The following XIRP2 variants were observed in gnomAD, a reference collection of about 807,000 sequenced individuals.
The protein encoded by XIRP2 is xin actin binding repeat containing 2.
Under a neutral mutation model 277.0 loss-of-function variants are expected in XIRP2, and 236 were observed. That is an observed-to-expected ratio of 0.85 (90% CI 0.77 to 0.95). XIRP2 has a LOEUF of 0.95. Ranked by LOEUF, XIRP2 falls within the 40% of genes least tolerant of loss-of-function variation. The pLI is 0.00. For synonymous variants in XIRP2, 1,490 were observed against 1,416.5 expected, an observed-to-expected ratio of 1.05 and a Z score of -1.17; for missense variants, 4,640 against 4,157.5, an observed-to-expected ratio of 1.12 and a Z score of -3.19.
chr2:167,209,548 C>T (rs979034448), intron 3 of XIRP2, among the ~76,000 whole-genome samples: 1 of 151,906 alleles, frequency 6.6e-6, no homozygotes, highest in African/African-American at 2.4e-5. Flanking sequence ...AGAGCCCTAC[C>T]CTGTAAGTCC....
chr2:167,106,012 A>G (rs1298852078), intron 2 of XIRP2, among the ~76,000 whole-genome samples: 1 of 150,080 alleles, frequency 6.7e-6, no homozygotes, highest in Non-Finnish European at 1.5e-5. Context: ...TTTTGTTTTG[A>G]TTTTGCTATT....
At chr2:166,937,605 C>CTCGT (rs1685557268) in intron 2 of XIRP2, among the ~76,000 whole-genome samples, 1 of 152,096 alleles carries the variant, frequency 6.6e-6, no homozygotes, top group African/African-American at 2.4e-5. Context: ...TGATGCTGGC[C>CTCGT]TCATAAAATG....
rs144301887 is a variant in XIRP2, at chr2:167,002,811, AAAAG to A, written c.408+98927_408+98930del. Among the ~76,000 whole-genome samples, 427 of 152,108 alleles carry A rather than the reference AAAAG, an allele frequency of 2.8e-3. 3 individuals are homozygous for A. Among genetic ancestry groups the A allele is most frequent in the African/African-American group, 9.7e-3 (404 of 41,570 alleles). On this transcript the variant is annotated intron_variant, in intron 2 of 10. Coordinates refer to ENST00000409195, the MANE Select transcript of XIRP2 (RefSeq NM_152381.6). Reference sequence around the variant, plus strand: ...AAAATTAATTGGCATTGTGTGAGTGAAAAGAAAGATGATAATGTTATCTTTGTTA... The same window carrying A: ...AAAATTAATTGGCATTGTGTGAGTGAAAAGATGATAATGTTATCTTTGTTA...
At chr2:166,911,691 T>A (rs1684705427) in intron 2 of XIRP2, among the ~76,000 whole-genome samples, 2 of 152,208 alleles carry the variant, frequency 1.3e-5, no homozygotes, top group African/African-American at 4.8e-5. Flanking sequence ...GTTGATGCGG[T>A]TTCTTCCTAG....
intron 2 of XIRP2, among the ~76,000 whole-genome samples, chr2:167,040,107 T>C (rs1558958708): frequency 6.6e-6 from 1 of 152,026 alleles, no homozygotes; most frequent in East Asian, 1.9e-4. Context: ...ATTAGAAGCA[T>C]TTTGTAATGT....
intron 2 of XIRP2, among the ~76,000 whole-genome samples, chr2:167,034,592 G>T (rs779168217): frequency 7.2e-5 from 11 of 151,808 alleles, no homozygotes; most frequent in Non-Finnish European, 1.5e-4. Context: ...TAAAGGGATG[G>T]AAAATGATAT....
At chr2:167,091,360 T>G (rs910186201) in intron 2 of XIRP2, among the ~76,000 whole-genome samples, 1 of 152,154 alleles carries the variant, frequency 6.6e-6, no homozygotes, top group Non-Finnish European at 1.5e-5. Flanking sequence ...ATGTCCCTTA[T>G]GCACTTATCC....
rs1239317812 is a variant in XIRP2, at chr2:167,245,990, C to G, written c.4598C>G (p.Pro1533Arg). The G allele has an allele frequency of 1.4e-5, 22 of 1,613,048 alleles. No individual in the cohort carries two copies. The East Asian group carries it at 4.9e-4, about 36-fold the overall frequency. ...KTTTWLFETTPLHEFNETRVE... is the reference protein window; with the variant it reads ...KTTTWLFETTRLHEFNETRVE... ...ACCACATGGCTCTTTGAAACAACAC[C>G]ACTTCATGAATTTAATGAAACTAGA... The change falls in exon 9 of 11, where the codon CCA becomes CGA. Residue 1533 changes from proline to arginine, a missense_variant. By Grantham distance (103) the Pro-to-Arg change is moderately radical. Transcript: ENST00000409195.
chr2:166,939,679 C>CAAAAAAAAAAAAAAAAAAACAAAAA (rs1685636232), intron 2 of XIRP2, among the ~76,000 whole-genome samples: 5 of 90,664 alleles, frequency 5.5e-5, no homozygotes, highest in Admixed American at 1.1e-4. Context: ...GACTCCATCA[C>CAAAAAAAAAAAAAAAAAAACAAAAA]AAAAAAAAAA....
intron 2 of XIRP2, among the ~76,000 whole-genome samples, chr2:167,086,970 G>T (rs1158715914): frequency 5.9e-5 from 9 of 152,130 alleles, no homozygotes; most frequent in African/African-American, 1.7e-4. Context: ...ATCCAGCTTT[G>T]TTCCGTTGCT....
rs374603709 is a variant in XIRP2 at position 167,045,844 on chromosome 2, A to G, written c.409-90065A>G. Among the ~76,000 whole-genome samples, 3 of 152,176 alleles carry G rather than the reference A, an allele frequency of 2.0e-5. No individual in the cohort carries two copies. The South Asian group carries it at 6.2e-4, about 32-fold the overall frequency. ...GTTTGGACATTTCTCAAAGAACTTT[A>G]AACAGAATTATCATTCAACCCAACA... On this transcript the variant is annotated intron_variant, in intron 2 of 10. Transcript: ENST00000409195.
At chr2:167,111,284 C>T (rs1163932562) in intron 2 of XIRP2, among the ~76,000 whole-genome samples, 2 of 152,072 alleles carry the variant, frequency 1.3e-5, no homozygotes, top group Non-Finnish European at 2.9e-5. Flanking sequence ...AGCTTTTGCC[C>T]CTTCAGTGTA....
intron 4 of XIRP2, among the ~76,000 whole-genome samples, chr2:167,215,181 TC>T (rs1427650628): frequency 6.6e-6 from 1 of 152,164 alleles, no homozygotes; most frequent in African/African-American, 2.4e-5. Context: ...AATTCACCCT[TC>T]CCCTTTTTCA....
At chr2:167,132,278 T>C (rs1691399640) in intron 2 of XIRP2, among the ~76,000 whole-genome samples, 1 of 152,168 alleles carries the variant, frequency 6.6e-6, no homozygotes, top group Admixed American at 6.6e-5. Flanking sequence ...TTTTGCAATG[T>C]GCGAACACAC....
At chr2:167,225,006 A>T (rs1057171603) in intron 5 of XIRP2, among the ~76,000 whole-genome samples, 5 of 152,218 alleles carry the variant, frequency 3.3e-5, no homozygotes, top group African/African-American at 1.2e-4. Context: ...TTATAATAGC[A>T]AGTCTTCTTT....
chr2:167,107,067 G>C (rs917459153), intron 2 of XIRP2, among the ~76,000 whole-genome samples: 6 of 151,334 alleles, frequency 4.0e-5, no homozygotes, highest in African/African-American at 1.2e-4. Flanking sequence ...GTTTTTTATA[G>C]GTTATTTGAA....
At position 167,247,324 on chromosome 2, in the gene XIRP2, C is replaced by T. The variant is rs1211540883; in HGVS notation, c.5932C>T (p.Gln1978Ter). The T allele has an allele frequency of 1.2e-6, 2 of 1,613,690 alleles. No individual in the cohort carries two copies. The highest frequency in any genetic ancestry group is 1.7e-6 in the Non-Finnish European group (2 of 1,179,800). ...CCAGAGGAACAAAAATAGTCTTCTT[C>T]AGCCAAAGCCAGGTCCATTTGAGCC... is the stretch of plus-strand genomic sequence containing the variant. Reference protein sequence around the residue: ...AVQRNKNSLLQPKPGPFEPAA... With the variant: ...AVQRNKNSLL Residue 1978 changes from glutamine (Q) to a stop codon, truncating the protein, a stop_gained, in exon 9 of 11, where the codon CAG (glutamine) becomes TAG (stop). Coordinates refer to ENST00000409195, the MANE Select transcript of XIRP2 (RefSeq NM_152381.6). LOFTEE classifies it high-confidence loss of function.
chr2:167,063,578 A>G (rs748151390), intron 2 of XIRP2, among the ~76,000 whole-genome samples: 1 of 151,832 alleles, frequency 6.6e-6, no homozygotes, highest in Non-Finnish European at 1.5e-5. Context: ...TAGTGTTGCA[A>G]GTTTTCACTT....
At chr2:167,236,365 A>G (rs2105424167) in intron 5 of XIRP2, among the ~76,000 whole-genome samples, 1 of 152,194 alleles carries the variant, frequency 6.6e-6, no homozygotes, top group East Asian at 1.9e-4. Context: ...AAAGTTGAAT[A>G]GGCAGGATAC....
Sources: gnomAD v4.1 joint callset for allele counts (sites outside exome capture counted in the v4.1 genomes callset) on GRCh38, gnomAD v4.1.1 for gene constraint, MANE v1.5 for transcripts, NCBI Gene and HGNC (gene_info 2026-07-23, HGNC 2026-07-21) for gene names.